RSF1: variants seen among roughly 807,000 people sequenced by gnomAD.
RSF1 encodes the protein HBV pX-associated protein 8.
In RSF1, 13 loss-of-function variants were observed where a neutral mutation model predicts 145.2. That is an observed-to-expected ratio of 0.09 (90% CI 0.06 to 0.14). The LOEUF is 0.14. Ranked by LOEUF, RSF1 falls within the 10% of genes least tolerant of loss-of-function variation. The probability of loss-of-function intolerance (pLI) is 1.00; values close to 1 mark genes in which losing one functional copy is unlikely to be tolerated. For synonymous variants in RSF1, 577 were observed against 592.6 expected (o/e 0.97, Z 0.38); for missense variants, 1,517 against 1,718.2 (o/e 0.88, Z 2.07).
At chr11:77,838,339 G>A in the RSF1 span, among the ~76,000 whole-genome samples, 1 of 152,174 alleles carries the variant, frequency 6.6e-6, no homozygotes, top group Non-Finnish European at 1.5e-5. Flanking sequence ...ACAGTCAGTA[G>A]ACTAGTGTAT....
the RSF1 span, among the ~76,000 whole-genome samples, chr11:77,827,080 G>A: frequency 3.3e-5 from 5 of 151,426 alleles, no homozygotes; most frequent in Non-Finnish European, 5.9e-5. Flanking sequence ...ACTTCAGCCT[G>A]GGTGACAGAG....
chr11:77,752,619 C>T (rs769849926), intron 2 of RSF1, among the ~76,000 whole-genome samples: 1 of 152,148 alleles, frequency 6.6e-6, no homozygotes, highest in Non-Finnish European at 1.5e-5. Context: ...CTTAACCTCA[C>T]TCTCTGTGTA....
At chr11:77,762,971 T>C (rs990240665) in intron 2 of RSF1, 2 of 152,174 alleles carry the variant, frequency 1.3e-5, no homozygotes, top group Non-Finnish European at 2.9e-5. Context: ...AAAGTTAAGC[T>C]TACTGGCAGT....
In RSF1 at chr11:77,660,934, T is replaced by G. The variant is rs765877213; in HGVS notation, c.*5983A>C. ...AAAATTATCAGATGGGAAAAAGTAC[T>G]GACATTTAAACGAAGCTGTGAATAT... is the stretch of plus-strand genomic sequence containing the variant. On this transcript the variant is annotated 3_prime_UTR_variant, in exon 16 of 16. Coordinates refer to ENST00000308488, the MANE Select transcript of RSF1 (RefSeq NM_016578.4). 1 of 152,192 alleles carries G rather than the reference T, an allele frequency of 6.6e-6. No homozygotes were observed. Among genetic ancestry groups the G allele is most frequent in the African/African-American group, 2.4e-5 (1 of 41,464 alleles). 9.4% of individuals were successfully genotyped at this position (152,192 alleles called of 1,614,324 possible). A position where few individuals can be genotyped will look rare whatever the true frequency, so the allele number is the denominator to read the frequency against.
At chr11:77,839,548 A>T in the RSF1 span, among the ~76,000 whole-genome samples, 2 of 152,228 alleles carry the variant, frequency 1.3e-5, no homozygotes, top group Non-Finnish European at 2.9e-5. Context: ...TGTTTACAAT[A>T]GCGAAGACAT....
At chr11:77,784,589 TGCTGCTAAGC>T (rs1203560929) in intron 1 of RSF1, among the ~76,000 whole-genome samples, 2 of 152,156 alleles carry the variant, frequency 1.3e-5, no homozygotes, top group African/African-American at 2.4e-5. Flanking sequence ...AATGTTACCA[TGCTGCTAAGC>T]GCTGCTAAGA....
chr11:77,769,554 G>A (rs1048071351), intron 1 of RSF1, among the ~76,000 whole-genome samples: 1 of 152,166 alleles, frequency 6.6e-6, no homozygotes, highest in Non-Finnish European at 1.5e-5. Flanking sequence ...AACAGTCAGG[G>A]GCTATGTGAA....
the RSF1 span, among the ~76,000 whole-genome samples, chr11:77,854,635 G>T: frequency 6.6e-6 from 1 of 152,246 alleles, no homozygotes; most frequent in African/African-American, 2.4e-5. Flanking sequence ...CTCTGCCTCT[G>T]TGGCTCTGCA....
intron 5 of RSF1, among the ~76,000 whole-genome samples, chr11:77,723,743 G>A (rs1960989981): frequency 6.6e-6 from 1 of 152,156 alleles, no homozygotes; most frequent in African/African-American, 2.4e-5. Flanking sequence ...CCTGAGAGCA[G>A]CAAATAAAGG....
the RSF1 span, among the ~76,000 whole-genome samples, chr11:77,843,575 A>G: frequency 6.6e-6 from 1 of 152,116 alleles, no homozygotes; most frequent in Admixed American, 6.6e-5. Context: ...TCCACTGTAC[A>G]TGTGCACAGA....
intron 3 of RSF1, among the ~76,000 whole-genome samples, chr11:77,741,757 T>A (rs1307001443): frequency 6.6e-6 from 1 of 152,146 alleles, no homozygotes; most frequent in African/African-American, 2.4e-5. Context: ...TATATTGTTA[T>A]TATCTATAGT....
rs1255996518 is a variant in RSF1 at position 77,662,111 on chromosome 11, TG to T, written c.*4805del. On this transcript the variant is annotated 3_prime_UTR_variant, in exon 16 of 16. Coordinates refer to ENST00000308488, the MANE Select transcript of RSF1 (RefSeq NM_016578.4). ...GGAAAAAACAAAATTCCTTTAAAAA[TG>T]TTTTTTTCTCATTCAAAATATCCAA... 1 of 152,144 alleles carries T rather than the reference TG, an allele frequency of 6.6e-6. No individual in the cohort carries two copies. Among genetic ancestry groups the T allele is most frequent in the Non-Finnish European group, 1.5e-5 (1 of 68,012 alleles). 9.4% of individuals were successfully genotyped at this position (152,144 alleles called of 1,614,324 possible). A position where few individuals can be genotyped will look rare whatever the true frequency, so the allele number is the denominator to read the frequency against.
the RSF1 span, among the ~76,000 whole-genome samples, chr11:77,833,765 G>C: frequency 6.6e-6 from 1 of 152,102 alleles, no homozygotes; most frequent in African/African-American, 2.4e-5. Flanking sequence ...AGCACAATCT[G>C]TTTTGTATTA....
chr11:77,751,475 T>G (rs1948063096), intron 2 of RSF1, among the ~76,000 whole-genome samples: 1 of 152,246 alleles, frequency 6.6e-6, no homozygotes, highest in African/African-American at 2.4e-5. Flanking sequence ...AAATTGTAAA[T>G]CCTTCTTCTG....
At position 77,804,438 on chromosome 11, in the gene RSF1, T is replaced by G. The variant is rs149970682; in HGVS notation, c.187+16090A>C. Among the ~76,000 whole-genome samples the G allele has an allele frequency of 4.5e-3, 687 of 152,320 alleles. 1 individual carries two copies. Among genetic ancestry groups the G allele is most frequent in the Non-Finnish European group, 7.7e-3 (525 of 68,028 alleles). ...GGGGACAGTCTTGTTGGTGACATTC[T>G]ACCTTGTAAAATGATGGAACCATCC... On this transcript the variant is annotated intron_variant, in intron 1 of 15. Coordinates refer to ENST00000308488, the MANE Select transcript of RSF1 (RefSeq NM_016578.4).
chr11:77,806,067 T>C (rs1311090891), intron 1 of RSF1, among the ~76,000 whole-genome samples: 1 of 152,180 alleles, frequency 6.6e-6, no homozygotes, highest in African/African-American at 2.4e-5. Flanking sequence ...AATAGGAATG[T>C]AATATTATAA....
rs200664789 is a variant in RSF1, at chr11:77,689,744, AG to A, written c.2900+1414del. The stretch of plus-strand genomic sequence containing the variant: ...TTTCCTCTTCAGTTTGGTATACAGT[AG>A]GTGAAAATGAATGATCAGAAATAGA... On this transcript the variant is annotated intron_variant, in intron 9 of 15. Transcript: ENST00000308488. 4.8e-3 allele frequency among the ~76,000 whole-genome samples: 738 copies of A among 152,316 alleles called. 5 individuals carry two copies. Among genetic ancestry groups the A allele is most frequent in the African/African-American group, 0.017 (705 of 41,562 alleles).
chr11:77,836,012 C>T, the RSF1 span, among the ~76,000 whole-genome samples: 1 of 152,090 alleles, frequency 6.6e-6, no homozygotes. Flanking sequence ...TTCAAATTCT[C>T]ATTTTCTCAC....
At chr11:77,844,089 G>A in the RSF1 span, among the ~76,000 whole-genome samples, 4 of 151,864 alleles carry the variant, frequency 2.6e-5, no homozygotes, top group Non-Finnish European at 4.4e-5. Flanking sequence ...ATTTGGGTGG[G>A]GACACAGCCA....
Sources: allele counts gnomAD v4.1 joint callset (sites outside exome capture counted in the v4.1 genomes callset), GRCh38; gene constraint gnomAD v4.1.1; transcripts MANE v1.5; gene names NCBI Gene and HGNC (gene_info 2026-07-23, HGNC 2026-07-21).